Variants in NAALADL2 observed in about 807,000 individuals in gnomAD.
The protein encoded by NAALADL2 is inactive N-acetylated-alpha-linked acidic dipeptidase-like protein 2.
A neutral mutation model predicts 87.2 loss-of-function variants in NAALADL2; 76 were observed. That is an observed-to-expected ratio of 0.87 (90% CI 0.72 to 1.05). The LOEUF (loss-of-function observed/expected upper bound fraction) is 1.05, where lower values mean the gene tolerates loss of function less well. Among genes scored for constraint, NAALADL2 ranks in the 50% least tolerant of loss-of-function variants. The probability of loss-of-function intolerance (pLI) is 0.00; values close to 1 mark genes in which losing one functional copy is unlikely to be tolerated. For missense variants in NAALADL2, 1,089 were observed against 945.8 expected (o/e 1.15, Z -1.99); for synonymous variants, 354 against 331.0 (o/e 1.07, Z -0.75).
intron 2 of NAALADL2, among the ~76,000 whole-genome samples, chr3:174,662,881 A>G (rs1198414460): frequency 6.6e-6 from 1 of 152,224 alleles, no homozygotes; most frequent in Non-Finnish European, 1.5e-5. Flanking sequence ...CACAGTCTTC[A>G]TGATGTTATC....
chr3:175,798,905 A>T (rs1753808837), intron 13 of NAALADL2, among the ~76,000 whole-genome samples: 1 of 152,078 alleles, frequency 6.6e-6, no homozygotes. Context: ...CAATAAGCAC[A>T]TAATGTATAG....
chr3:175,601,800 TTA>T (rs1723014151), intron 10 of NAALADL2, among the ~76,000 whole-genome samples: 1 of 152,198 alleles, frequency 6.6e-6, no homozygotes. Context: ...ACTGTCAACT[TTA>T]TGTTTTTTAT....
At chr3:174,939,222 G>T (rs1353333527) in intron 1 of NAALADL2, among the ~76,000 whole-genome samples, 2 of 152,038 alleles carry the variant, frequency 1.3e-5, no homozygotes, top group African/African-American at 4.8e-5. Flanking sequence ...TCTGCACATG[G>T]CTAGCCAGTT....
intron 2 of NAALADL2, among the ~76,000 whole-genome samples, chr3:175,184,168 C>T (rs1284361713): frequency 6.6e-6 from 1 of 152,014 alleles, no homozygotes; most frequent in African/African-American, 2.4e-5. Context: ...TGCCCCATTT[C>T]CTAAAATTTT....
chr3:175,445,568 C>T (rs569574962), intron 5 of NAALADL2, among the ~76,000 whole-genome samples: 1 of 152,288 alleles, frequency 6.6e-6, no homozygotes, highest in East Asian at 1.9e-4. Flanking sequence ...GAGATAGAGA[C>T]TTAACTTTCA....
intron 6 of NAALADL2, among the ~76,000 whole-genome samples, chr3:175,457,795 C>G (rs1402419452): frequency 6.6e-6 from 1 of 151,092 alleles, no homozygotes; most frequent in Non-Finnish European, 1.5e-5. Context: ...CAGGCATGAG[C>G]CACCACTTCC....
At chr3:174,975,759 G>C (rs2108627554) in intron 1 of NAALADL2, among the ~76,000 whole-genome samples, 1 of 152,294 alleles carries the variant, frequency 6.6e-6, no homozygotes, top group East Asian at 1.9e-4. Flanking sequence ...GTAAGAAACT[G>C]TGGGTGACTA....
At chr3:174,504,714 A>G (rs1719098639) in intron 1 of NAALADL2, among the ~76,000 whole-genome samples, 1 of 152,140 alleles carries the variant, frequency 6.6e-6, no homozygotes, top group Non-Finnish European at 1.5e-5. Flanking sequence ...GTATAGATAC[A>G]TGTCACCAGA....
chr3:174,710,852 G>C (rs1287682487), intron 2 of NAALADL2, among the ~76,000 whole-genome samples: 1 of 152,148 alleles, frequency 6.6e-6, no homozygotes, highest in African/African-American at 2.4e-5. Context: ...AGCCTAGCGA[G>C]AGCCTTGATT....
At chr3:175,379,404 A>G (rs1399857254) in intron 5 of NAALADL2, among the ~76,000 whole-genome samples, 1 of 152,008 alleles carries the variant, frequency 6.6e-6, no homozygotes, top group Admixed American at 6.6e-5. Flanking sequence ...GCTCAACACA[A>G]CTGGAAAGTG....
At chr3:174,908,161 G>T (rs1733212782) in intron 1 of NAALADL2, among the ~76,000 whole-genome samples, 1 of 150,900 alleles carries the variant, frequency 6.6e-6, no homozygotes. Flanking sequence ...GGTTGCACTT[G>T]GTGGTGAAGT....
chr3:174,626,821 G>T (rs1263718918), intron 2 of NAALADL2, among the ~76,000 whole-genome samples: 2 of 151,882 alleles, frequency 1.3e-5, no homozygotes, highest in Admixed American at 6.6e-5. Flanking sequence ...GAACATTCAG[G>T]ATTCTTAATA....
At chr3:174,850,954 G>A (rs1389055972) in intron 3 of NAALADL2, among the ~76,000 whole-genome samples, 1 of 152,012 alleles carries the variant, frequency 6.6e-6, no homozygotes, top group East Asian at 1.9e-4. Context: ...GTTGTAACCA[G>A]AGAAACTTTG....
At chr3:174,728,472 G>T (rs1388597611) in intron 2 of NAALADL2, among the ~76,000 whole-genome samples, 1 of 152,002 alleles carries the variant, frequency 6.6e-6, no homozygotes, top group Non-Finnish European at 1.5e-5. Context: ...TAGCCTTTTT[G>T]TAAGTACTTA....
At chr3:174,906,709 G>A (rs1344671558) in intron 1 of NAALADL2, among the ~76,000 whole-genome samples, 1 of 152,088 alleles carries the variant, frequency 6.6e-6, no homozygotes, top group African/African-American at 2.4e-5. Flanking sequence ...GCAACTTCAT[G>A]AGAAACCTTG....
intron 3 of NAALADL2, among the ~76,000 whole-genome samples, chr3:174,755,762 C>T (rs1315308565): frequency 6.6e-6 from 1 of 152,176 alleles, no homozygotes; most frequent in African/African-American, 2.4e-5. Flanking sequence ...GAGATTTAAT[C>T]AAATTTAAGA....
intron 11 of NAALADL2, among the ~76,000 whole-genome samples, chr3:175,672,972 T>C (rs1734210151): frequency 7.2e-6 from 1 of 139,404 alleles, no homozygotes; most frequent in Non-Finnish European, 1.5e-5. Flanking sequence ...TCCTCAGTTA[T>C]ATGTTATATT....
At chr3:175,780,022 ACT>A (rs748751432) in intron 13 of NAALADL2, among the ~76,000 whole-genome samples, 4 of 151,330 alleles carry the variant, frequency 2.6e-5, no homozygotes, top group Admixed American at 6.6e-5. Context: ...TAATCCCAGC[ACT>A]CTGGGAGGCC....
At chr3:174,927,024 A>G (rs1736153261) in intron 1 of NAALADL2, among the ~76,000 whole-genome samples, 1 of 145,506 alleles carries the variant, frequency 6.9e-6, no homozygotes. Context: ...TACCAAGCAA[A>G]TGAAGAAAAA....
Sources: allele counts gnomAD v4.1 joint callset (sites outside exome capture counted in the v4.1 genomes callset), GRCh38; gene constraint gnomAD v4.1.1; transcripts MANE v1.5; gene names NCBI Gene and HGNC (gene_info 2026-07-23, HGNC 2026-07-21).